Variants in RHOBTB2 observed in about 807,000 individuals in gnomAD.
The protein encoded by RHOBTB2 is rho-related BTB domain-containing protein 2.
In RHOBTB2, 39 loss-of-function variants were observed where a neutral mutation model predicts 66.5. The observed-to-expected ratio is 0.59, with a 90% confidence interval of 0.45 to 0.77. RHOBTB2 has a LOEUF of 0.77. RHOBTB2 is among the 30% of genes least tolerant of loss of function. RHOBTB2 has a pLI of 0.00. For missense variants in RHOBTB2, 755 were observed against 999.1 expected (o/e 0.76, Z 3.29); for synonymous variants, 390 against 395.0 (o/e 0.99, Z 0.15).
chr8:23,012,638 A>G (rs556520754), intron 7 of RHOBTB2, among the ~76,000 whole-genome samples: 2 of 152,266 alleles, frequency 1.3e-5, no homozygotes, highest in Non-Finnish European at 2.9e-5. Context: ...GTTTTTTTAG[A>G]GACAGGATCT....
chr8:22,968,402 CTAGT>C, the RHOBTB2 span, among the ~76,000 whole-genome samples: 6 of 151,830 alleles, frequency 4.0e-5, no homozygotes, highest in East Asian at 9.6e-4. Context: ...AGATACATAT[CTAGT>C]TAGTTGAGAA....
rs906232737 is a variant in RHOBTB2, at chr8:23,004,698, C to T, written c.192+72C>T. ...GGCTTGGGGGCTTCCTGAGGCATAG[C>T]TTGGTGTCTCCAGAGCTCACGGGAG... On this transcript the variant is annotated intron_variant, in intron 2 of 9. Transcript: ENST00000251822. This position sits in a 1 kb window ranked among gnomAD's most constrained non-coding sequence, Gnocchi z 6.4. The T allele has an allele frequency of 2.0e-5, 29 of 1,429,260 alleles. No individual in the cohort carries two copies. In the Admixed American group the frequency reaches 5.3e-4, roughly 26 times the overall value. The allele number at this position is 1,429,260 out of a possible 1,614,324, so 88.5% of individuals were successfully genotyped here.
chr8:22,976,361 A>G, the RHOBTB2 span, among the ~76,000 whole-genome samples: 1 of 152,180 alleles, frequency 6.6e-6, no homozygotes, highest in Non-Finnish European at 1.5e-5. Context: ...ATTCCCGGAC[A>G]GTAAATATTT....
chr8:22,966,785 T>C, the RHOBTB2 span, among the ~76,000 whole-genome samples: 2 of 152,296 alleles, frequency 1.3e-5, no homozygotes, highest in Admixed American at 6.5e-5. Context: ...ATCCCTAATA[T>C]TAAAAACACA....
the RHOBTB2 span, among the ~76,000 whole-genome samples, chr8:22,959,897 C>T: frequency 1.3e-5 from 2 of 149,598 alleles, no homozygotes; most frequent in Non-Finnish European, 3.0e-5. Context: ...GGTGTGGTGG[C>T]TTATGTTTAT....
rs1195515614 is a variant in RHOBTB2, at chr8:23,019,157, T to TGGCCCTG, written c.*1691_*1697dup. ...GAGAGATGTTCTAGCTGAGAGGGCC[T>TGGCCCTG]GGCCCTGGGGTGGGCTCCAGGAAAA... On this transcript the variant is annotated 3_prime_UTR_variant, in exon 10 of 10. Coordinates refer to ENST00000251822, the MANE Select transcript of RHOBTB2 (RefSeq NM_015178.3). The TGGCCCTG allele has an allele frequency of 5.9e-4, 90 of 152,670 alleles. No homozygotes were observed. The highest frequency in any genetic ancestry group is 3.4e-3 in the Middle Eastern group (1 of 294). The allele number at this position is 152,670 out of a possible 1,614,324, so 9.5% of individuals were successfully genotyped here. A position where few individuals can be genotyped will look rare whatever the true frequency, so the allele number is the denominator to read the frequency against.
At chr8:22,989,838 T>C (rs1810381604) in intron 1 of RHOBTB2, among the ~76,000 whole-genome samples, 1 of 152,214 alleles carries the variant, frequency 6.6e-6, no homozygotes, top group Admixed American at 6.5e-5. Flanking sequence ...GCTGTGCGTC[T>C]GTCTCCCCAA....
At chr8:22,981,212 C>T in the RHOBTB2 span, among the ~76,000 whole-genome samples, 1 of 152,238 alleles carries the variant, frequency 6.6e-6, no homozygotes, top group Non-Finnish European at 1.5e-5. Flanking sequence ...CAGTGCCTGG[C>T]ACACCTGCCA....
Position 23,004,133 on chromosome 8 carries a change from G to A in RHOBTB2, c.-10-292G>A. 2.3e-6 allele frequency: 1 copy of A among 440,082 alleles called. No homozygotes were observed. The highest frequency in any genetic ancestry group is 4.8e-5 in the East Asian group (1 of 20,926). 27.3% of individuals were successfully genotyped at this position (440,082 alleles called of 1,614,324 possible). A position where few individuals can be genotyped will look rare whatever the true frequency, so the allele number is the denominator to read the frequency against. On this transcript the variant is annotated intron_variant, in intron 1 of 9. Transcript: ENST00000251822. The surrounding 1 kb of genome is among the most constrained non-coding windows in gnomAD (Gnocchi z 6.4). ...GGGCAGGGCCTCGGCAAGCTCCACTGGTGATCTCGCGTAGGTCTCCTTCAT... is the reference window on the plus strand; with the variant it reads ...GGGCAGGGCCTCGGCAAGCTCCACTAGTGATCTCGCGTAGGTCTCCTTCAT...
At chr8:22,966,291 T>C in the RHOBTB2 span, among the ~76,000 whole-genome samples, 1 of 151,606 alleles carries the variant, frequency 6.6e-6, no homozygotes, top group Non-Finnish European at 1.5e-5. Flanking sequence ...AGGTGGAAGT[T>C]GCAGTAAGCT....
chr8:22,980,986 ATGTT>A, the RHOBTB2 span, among the ~76,000 whole-genome samples: 4 of 152,340 alleles, frequency 2.6e-5, no homozygotes, highest in East Asian at 5.8e-4. Flanking sequence ...TTGCTTGGTG[ATGTT>A]TCTTCTTCCA....
At chr8:22,956,191 A>G in the RHOBTB2 span, among the ~76,000 whole-genome samples, 1 of 152,220 alleles carries the variant, frequency 6.6e-6, no homozygotes, top group Admixed American at 6.5e-5. Context: ...TAGAACAGTT[A>G]CCAAAGCTAG....
chr8:22,952,470 T>C, the RHOBTB2 span, among the ~76,000 whole-genome samples: 1 of 152,162 alleles, frequency 6.6e-6, no homozygotes, highest in Non-Finnish European at 1.5e-5. Context: ...GGCACTTTCT[T>C]TATACTGTTA....
chr8:23,005,734 C>T (rs2430813), intron 3 of RHOBTB2, among the ~76,000 whole-genome samples: 107,998 of 151,930 alleles, frequency 0.71, 39,174 homozygotes, highest in East Asian at 0.81. Context: ...GTGGTGAAAA[C>T]AGCCATTTCT....
chr8:23,017,461 GT>G lies in RHOBTB2; in HGVS notation c.2177del (p.Val726GlyfsTer39). ...CTCATCCCCATCTTCCTCCTCGGCTGTGGTCTGAGATGCTGCCACCCTCTTC... is the reference window on the plus strand; with the variant it reads ...CTCATCCCCATCTTCCTCCTCGGCTGGGTCTGAGATGCTGCCACCCTCTTC... ...SSSSPSSSSA[V>X]V On this transcript the variant is annotated frameshift_variant, in exon 10 of 10. Transcript: ENST00000251822. LOFTEE classifies it high-confidence loss of function. The surrounding 1 kb of genome is among the most constrained non-coding windows in gnomAD (Gnocchi z 5.3). The G allele has an allele frequency of 6.3e-7, 1 of 1,584,192 alleles. No homozygotes were observed.
intron 1 of RHOBTB2, among the ~76,000 whole-genome samples, chr8:22,990,280 G>T (rs1810392024): frequency 6.6e-6 from 1 of 152,186 alleles, no homozygotes; most frequent in Admixed American, 6.5e-5. Context: ...GACTTGGGGT[G>T]CTGTACAGGC....
At chr8:23,003,656 G>A (rs950261831) in intron 1 of RHOBTB2, among the ~76,000 whole-genome samples, 5 of 152,226 alleles carry the variant, frequency 3.3e-5, no homozygotes, top group African/African-American at 1.2e-4. Context: ...TCATAGGCCT[G>A]TGGTTCCCCT....
At chr8:22,988,089 C>CT in intron 1 of RHOBTB2, among the ~76,000 whole-genome samples, 1 of 151,808 alleles carries the variant, frequency 6.6e-6, no homozygotes, top group African/African-American at 2.4e-5. Context: ...CATGCCCACT[C>CT]TATCTCCTGC....
chr8:22,990,939 T>C (rs1300147860), intron 1 of RHOBTB2, among the ~76,000 whole-genome samples: 1 of 152,072 alleles, frequency 6.6e-6, no homozygotes, highest in Non-Finnish European at 1.5e-5. Flanking sequence ...TCATGCCTTG[T>C]GGAGGGGTCA....
Sources: gnomAD v4.1 joint callset for allele counts (sites outside exome capture counted in the v4.1 genomes callset) on GRCh38, gnomAD v4.1.1 for gene constraint, Gnocchi (gnomAD v3.1) non-coding constraint, MANE v1.5 for transcripts, NCBI Gene and HGNC (gene_info 2026-07-23, HGNC 2026-07-21) for gene names.